Variants in HSP90AA1 observed in about 807,000 individuals in gnomAD.
The protein encoded by HSP90AA1 is heat shock protein HSP 90-alpha.
A neutral mutation model predicts 73.3 loss-of-function variants in HSP90AA1; 18 were observed. The observed-to-expected ratio is 0.25, with a 90% CI of 0.17 to 0.36. The LOEUF (loss-of-function observed/expected upper bound fraction) is 0.36, where lower values mean the gene tolerates loss of function less well. Ranked by LOEUF, HSP90AA1 falls within the 10% of genes least tolerant of loss-of-function variation. The pLI, the probability that HSP90AA1 is intolerant of heterozygous loss-of-function variation, is 1.00. For synonymous variants in HSP90AA1, 477 were observed against 296.9 expected (o/e 1.61, Z -6.24); for missense variants, 704 against 874.2 (o/e 0.81, Z 2.45).
At chr14:102,087,164 G>A (rs986542690), upstream of HSP90AA1, 11 of 982,932 alleles carry the variant, frequency 1.1e-5, no homozygotes, top group Admixed American at 1.2e-4. Context: ...GCGGCCGCGC[G>A]CCTACGCATG....
Position 102,083,539 on chromosome 14 carries a change from C to T in HSP90AA1, c.1486+7G>A, listed in dbSNP as rs896504630. The T allele has an allele frequency of 1.9e-6, 3 of 1,612,700 alleles. No individual in the cohort carries two copies. Among genetic ancestry groups the T allele is most frequent in the Admixed American group, 3.3e-5 (2 of 59,994 alleles). ...ACGTGTATGACTGTAACATAGTGTT[C>T]TCTTACCTGTGATATAATAGATATG... On this transcript the variant is annotated splice_region_variant and intron_variant, in intron 8 of 10. Transcript: ENST00000216281.
chr14:102,134,877 T>A (rs1224638117), intron 1 of HSP90AA1, among the ~76,000 whole-genome samples: 1 of 152,224 alleles, frequency 6.6e-6, no homozygotes, highest in African/African-American at 2.4e-5. Flanking sequence ...TTCTCTTATC[T>A]GGCCCCACCC....
In HSP90AA1 at chr14:102,085,057, T is replaced by C. The variant is rs866983388; in HGVS notation, c.664-59A>G. 1.9e-5 allele frequency: 31 copies of C among 1,611,976 alleles called. No homozygotes were observed. The Middle Eastern group carries it at 6.6e-4, about 34-fold the overall frequency. On this transcript the variant is annotated intron_variant, in intron 4 of 10. Coordinates refer to ENST00000216281, the MANE Select transcript of HSP90AA1 (RefSeq NM_005348.4). ...GCACTCCAGAACTAAGCGACAGCGC[T>C]GCACCACTATTTTCAACCTAAGGCC...
At chr14:102,097,754 G>A (rs2049443873) in intron 2 of HSP90AA1, among the ~76,000 whole-genome samples, 1 of 152,208 alleles carries the variant, frequency 6.6e-6, no homozygotes, top group African/African-American at 2.4e-5. Flanking sequence ...GGATCACCTG[G>A]CTGTCAGGAA....
At chr14:102,131,627 C>A (rs113039555) in intron 1 of HSP90AA1, among the ~76,000 whole-genome samples, 1,858 of 152,266 alleles carry the variant, frequency 0.012, 16 homozygotes, top group Middle Eastern at 0.041. Context: ...ACTCTTTTCC[C>A]AGTTCTTCCC....
intron 1 of HSP90AA1, among the ~76,000 whole-genome samples, chr14:102,109,914 A>G (rs1481224210): frequency 1.3e-5 from 2 of 152,110 alleles, no homozygotes; most frequent in Non-Finnish European, 2.9e-5. Context: ...ACTTGTTGGG[A>G]ACTGGAGCAA....
At chr14:102,098,826 G>A (rs922534402) in intron 2 of HSP90AA1, among the ~76,000 whole-genome samples, 15 of 152,286 alleles carry the variant, frequency 9.8e-5, no homozygotes, top group African/African-American at 3.6e-4. Context: ...GCTGCACCTG[G>A]CCAAGCTTCA....
exon 1 of HSP90AA1, chr14:102,139,600 C>T (rs555206848): frequency 1.0e-5 from 7 of 676,090 alleles, no homozygotes; most frequent in African/African-American, 1.8e-5. Flanking sequence ...TCCGCTGGCC[C>T]TGGCGGCTGC....
intron 9 of HSP90AA1, 65 bp from the exon 10 acceptor site, chr14:102,082,509 G>T (rs1012156253): frequency 7.6e-7 from 1 of 1,310,062 alleles, no homozygotes; most frequent in African/African-American, 1.4e-5. Context: ...ATTGTGAAAT[G>T]AAATCTGTAG....
intron 1 of HSP90AA1, chr14:102,102,159 G>A: frequency 1.6e-6 from 2 of 1,286,610 alleles, no homozygotes; most frequent in Non-Finnish European, 2.3e-6. Context: ...GGATGAACTT[G>A]GACAGCCCCA....
At position 102,084,576 on chromosome 14, in the gene HSP90AA1, C is replaced by T. The variant is rs1179065299; in HGVS notation, c.982-12G>A. ...TCAACTGAAAAATGCTGTAATAAAA[C>T]AGATACACTAAGTACCAATGAACAA... On this transcript the variant is annotated splice_polypyrimidine_tract_variant and intron_variant, in intron 5 of 10. Transcript: ENST00000216281. 33 of 1,614,022 alleles carry T rather than the reference C, an allele frequency of 2.0e-5. No homozygotes were observed. In the South Asian group the frequency reaches 3.5e-4, roughly 17 times the overall value.
intron 9 of HSP90AA1, chr14:102,082,690 G>A (rs906372713): frequency 3.3e-5 from 18 of 537,746 alleles, no homozygotes; most frequent in Middle Eastern, 5.2e-4. Context: ...GTGCGATCTT[G>A]GCTCACTGCA....
rs746507561 is a variant in HSP90AA1 at position 102,085,319 on chromosome 14, A to G, written c.642T>C (p.Ile214=). 1.9e-5 allele frequency: 31 copies of G among 1,612,570 alleles called. No individual in the cohort carries two copies. The highest frequency in any genetic ancestry group is 2.5e-5 in the Non-Finnish European group (29 of 1,179,016). ...TTACAAAAAGAGTAATGGGATATCC[A>G]ATAAACTGAGAATGTTTCTTCACAA... ...KEIVKKHSQF[I]GYPITLFVEK... The change falls in exon 4 of 11, where the codon ATT becomes ATC. Residue 214 remains isoleucine, a synonymous_variant. Coordinates refer to ENST00000216281, the MANE Select transcript of HSP90AA1 (RefSeq NM_005348.4).
At chr14:102,090,886 C>T (rs771530917), upstream of HSP90AA1, among the ~76,000 whole-genome samples, 2 of 152,236 alleles carry the variant, frequency 1.3e-5, no homozygotes, top group African/African-American at 4.8e-5. Flanking sequence ...CTTTCAGTGT[C>T]CCTCAGTAAA....
intron 1 of HSP90AA1, among the ~76,000 whole-genome samples, chr14:102,126,525 CTTT>C (rs566632976): frequency 1.4e-5 from 2 of 147,490 alleles, no homozygotes; most frequent in African/African-American, 2.5e-5. Context: ...CGACTAGATT[CTTT>C]TTTTTTTTCT....
chr14:102,093,203 T>A (rs570115424), intron 2 of HSP90AA1, among the ~76,000 whole-genome samples: 274 of 148,548 alleles, frequency 1.8e-3, no homozygotes, highest in East Asian at 8.8e-3. Flanking sequence ...TTAAAAAATA[T>A]ATATATATAT....
upstream of HSP90AA1, among the ~76,000 whole-genome samples, chr14:102,090,607 A>G (rs1003483892): frequency 4.0e-5 from 6 of 151,898 alleles, no homozygotes; most frequent in South Asian, 2.1e-4. Context: ...CCGCCACCAC[A>G]CCTGGCTAAT....
intron 1 of HSP90AA1, among the ~76,000 whole-genome samples, chr14:102,116,473 G>T (rs1488223136): frequency 2.0e-5 from 3 of 152,174 alleles, no homozygotes; most frequent in Non-Finnish European, 4.4e-5. Flanking sequence ...GGGCAGCTGC[G>T]GGAGCAGGAA....
chr14:102,117,334 G>A (rs2049720171), intron 1 of HSP90AA1, among the ~76,000 whole-genome samples: 2 of 150,644 alleles, frequency 1.3e-5, no homozygotes, highest in African/African-American at 4.9e-5. Flanking sequence ...GGACTGGAGT[G>A]GGAATTTGTG....
Sources: gnomAD v4.1 joint callset for allele counts (sites outside exome capture counted in the v4.1 genomes callset) on GRCh38, gnomAD v4.1.1 for gene constraint, MANE v1.5 for transcripts, NCBI Gene and HGNC (gene_info 2026-07-23, HGNC 2026-07-21) for gene names.